Variants in NEDD4L observed in about 807,000 individuals in gnomAD.
NEDD4L encodes the protein NEDD4 like E3 ubiquitin protein ligase.
Under a neutral mutation model 148.9 loss-of-function variants are expected in NEDD4L, and 54 were observed. The observed-to-expected ratio is 0.36, with a 90% CI of 0.29 to 0.45. The LOEUF is 0.45. NEDD4L is among the 20% of genes least tolerant of loss of function. NEDD4L has a pLI of 1.00. For missense variants in NEDD4L, 856 were observed against 1,233.8 expected, an observed-to-expected ratio of 0.69 and a Z score of 4.59; for synonymous variants, 433 against 440.7, an observed-to-expected ratio of 0.98 and a Z score of 0.22.
chr18:58,193,264 C>G (rs2040310777), intron 2 of NEDD4L, among the ~76,000 whole-genome samples: 1 of 152,226 alleles, frequency 6.6e-6, no homozygotes, highest in Admixed American at 6.5e-5. Context: ...TACTTAATTT[C>G]ACAGACTTGC....
At chr18:58,053,947 G>A (rs2081988383) in intron 1 of NEDD4L, among the ~76,000 whole-genome samples, 1 of 152,224 alleles carries the variant, frequency 6.6e-6, no homozygotes, top group Non-Finnish European at 1.5e-5. Flanking sequence ...GCAAGTGAGT[G>A]TTGGATGTCA....
intron 7 of NEDD4L, 132 bp downstream of exon 7, chr18:58,322,618 G>GGTGGGGATGCCTGCCCTGCATGCT (rs1421502980): frequency 1.4e-5 from 8 of 576,674 alleles, no homozygotes; most frequent in Admixed American, 5.3e-5. Flanking sequence ...GGTGTGGGTG[G>GGTGGGGATGCCTGCCCTGCATGCT]GTGGGGATGC....
intron 2 of NEDD4L, among the ~76,000 whole-genome samples, chr18:58,241,616 G>T (rs1325466032): frequency 6.6e-6 from 1 of 152,024 alleles, no homozygotes; most frequent in Non-Finnish European, 1.5e-5. Flanking sequence ...ATTTGCACGG[G>T]AAGTCAGGGA....
At chr18:58,058,148 A>T (rs377347437) in intron 1 of NEDD4L, among the ~76,000 whole-genome samples, 50 of 152,334 alleles carry the variant, frequency 3.3e-4, no homozygotes, top group African/African-American at 1.1e-3. Flanking sequence ...TCTACTAAAA[A>T]TACAAAAATT....
intron 3 of NEDD4L, among the ~76,000 whole-genome samples, chr18:58,245,846 ATTTTTTTT>A (rs58940181): frequency 1.5e-4 from 14 of 91,552 alleles, no homozygotes; most frequent in African/African-American, 3.9e-4. Flanking sequence ...ATGCCTGGCT[ATTTTTTTT>A]TTTTTTTTTT....
chr18:58,125,916 C>T (rs2145882393), intron 1 of NEDD4L, among the ~76,000 whole-genome samples: 1 of 152,376 alleles, frequency 6.6e-6, no homozygotes, highest in South Asian at 2.1e-4. Flanking sequence ...GTGGCTACCT[C>T]ATGGACAGGG....
intron 1 of NEDD4L, among the ~76,000 whole-genome samples, chr18:58,124,445 C>T (rs2030643384): frequency 6.6e-6 from 1 of 152,214 alleles, no homozygotes; most frequent in Non-Finnish European, 1.5e-5. Flanking sequence ...TCTCCGCCTC[C>T]AAGTGCTGCT....
At position 58,396,492 on chromosome 18, in the gene NEDD4L, A is replaced by G. The variant is rs2050499454; in HGVS notation, c.*223A>G. The G allele has an allele frequency of 9.0e-6, 4 of 444,214 alleles. No homozygotes were observed. The highest frequency in any genetic ancestry group is 1.6e-5 in the Non-Finnish European group (4 of 243,548). The allele number at this position is 444,214 out of a possible 1,614,324, so 27.5% of individuals were successfully genotyped here. A position where few individuals can be genotyped will look rare whatever the true frequency, so the allele number is the denominator to read the frequency against. On this transcript the variant is annotated 3_prime_UTR_variant, in exon 31 of 31. Transcript: ENST00000400345. ...AAATTATCAACTGGTTGATGTGTAC[A>G]CTAATTACATTTCAGGAGGACTTAA... is the stretch of plus-strand genomic sequence containing the variant.
chr18:58,164,176 C>T (rs1473082442), intron 1 of NEDD4L, among the ~76,000 whole-genome samples: 4 of 149,690 alleles, frequency 2.7e-5, no homozygotes, highest in Non-Finnish European at 6.0e-5. Context: ...CTGCCTGACA[C>T]TGGAGTCCCT....
At chr18:58,238,886 A>AT (rs1229962017) in intron 2 of NEDD4L, among the ~76,000 whole-genome samples, 2 of 152,334 alleles carry the variant, frequency 1.3e-5, no homozygotes, top group East Asian at 3.9e-4. Context: ...AATTTGTTAG[A>AT]TAAAAACTTC....
intron 2 of NEDD4L, among the ~76,000 whole-genome samples, chr18:58,200,349 A>C (rs575964163): frequency 1.3e-5 from 2 of 152,262 alleles, no homozygotes; most frequent in South Asian, 4.1e-4. Flanking sequence ...TGTCAACTGG[A>C]AGTGCTACCA....
At chr18:58,289,777 G>T (rs923073069) in intron 5 of NEDD4L, among the ~76,000 whole-genome samples, 1 of 152,210 alleles carries the variant, frequency 6.6e-6, no homozygotes, top group Non-Finnish European at 1.5e-5. Flanking sequence ...ATATTTCAGG[G>T]TTACCAGAGT....
intron 1 of NEDD4L, among the ~76,000 whole-genome samples, chr18:58,116,627 A>C (rs2085860833): frequency 6.6e-6 from 1 of 152,240 alleles, no homozygotes; most frequent in Non-Finnish European, 1.5e-5. Context: ...TCACCAGAGA[A>C]ATAACAAAAG....
intron 21 of NEDD4L, among the ~76,000 whole-genome samples, chr18:58,367,418 C>A (rs1358232182): frequency 2.0e-5 from 3 of 152,194 alleles, no homozygotes; most frequent in Non-Finnish European, 4.4e-5. Flanking sequence ...CTTTGGGAAT[C>A]CCTGCACAGC....
intron 23 of NEDD4L, 71 bp downstream of exon 23, chr18:58,370,538 A>G (rs2046722365): frequency 2.0e-6 from 2 of 998,546 alleles, no homozygotes; most frequent in Non-Finnish European, 3.2e-6. Flanking sequence ...TTGGAGAGCC[A>G]TATTTGTAGT....
intron 2 of NEDD4L, among the ~76,000 whole-genome samples, chr18:58,217,482 A>T (rs2147858916): frequency 6.6e-6 from 1 of 152,112 alleles, no homozygotes; most frequent in South Asian, 2.1e-4. Flanking sequence ...TTTTAATTTT[A>T]TTTTTTATGG....
chr18:58,177,835 G>A (rs1488528783), intron 2 of NEDD4L, among the ~76,000 whole-genome samples: 2 of 152,174 alleles, frequency 1.3e-5, no homozygotes, highest in South Asian at 4.1e-4. Context: ...TCTATTTGGG[G>A]GAGAAGCCTG....
At chr18:58,155,642 G>A (rs2035391175) in intron 1 of NEDD4L, among the ~76,000 whole-genome samples, 2 of 152,164 alleles carry the variant, frequency 1.3e-5, no homozygotes, top group Admixed American at 6.5e-5. Context: ...AGATGAGGCC[G>A]GTGGCATGTT....
At chr18:58,204,594 A>C (rs990431669) in intron 2 of NEDD4L, among the ~76,000 whole-genome samples, 1 of 152,192 alleles carries the variant, frequency 6.6e-6, no homozygotes, top group African/African-American at 2.4e-5. Flanking sequence ...ATGAATGAGC[A>C]GGCGTCTAAG....
Sources: allele counts gnomAD v4.1 joint callset (sites outside exome capture counted in the v4.1 genomes callset), GRCh38; gene constraint gnomAD v4.1.1; transcripts MANE v1.5; gene names NCBI Gene and HGNC (gene_info 2026-07-23, HGNC 2026-07-21).